The following IL5 variants were observed in gnomAD, a reference collection of about 807,000 sequenced individuals.
The protein encoded by IL5 is interleukin-5.
IL5 carries 12 observed loss-of-function variants against 16.3 expected under a neutral mutation model. That is an observed-to-expected ratio of 0.74 (90% CI 0.47 to 1.20). The LOEUF (loss-of-function observed/expected upper bound fraction) is 1.20. Ranked by LOEUF, IL5 falls within the 50% of genes most tolerant of loss-of-function variation. IL5 has a pLI of 0.00. For synonymous variants in IL5, 54 were observed against 56.6 expected (o/e 0.95, Z 0.21); for missense variants, 159 against 153.9 (o/e 1.03, Z -0.17).
At chr5:132,542,369 T>G (rs1217554495) in intron 2 of IL5, among the ~76,000 whole-genome samples, 1 of 152,192 alleles carries the variant, frequency 6.6e-6, no homozygotes. Flanking sequence ...CCAAAGAGTT[T>G]TTTGTTTGTT....
intron 1 of IL5, among the ~76,000 whole-genome samples, chr5:132,554,070 CTT>C: frequency 6.7e-6 from 1 of 148,816 alleles, no homozygotes; most frequent in Non-Finnish European, 1.5e-5. Context: ...ATAAATCTGA[CTT>C]AAAAAATGGT....
chr5:132,547,600 G>T (rs147796301), upstream of IL5, among the ~76,000 whole-genome samples: 1 of 152,272 alleles, frequency 6.6e-6, no homozygotes, highest in East Asian at 1.9e-4. Context: ...ACAACTAAGG[G>T]AATTGGAAAA....
Position 132,548,955 on chromosome 5 carries a change from C to T in IL5, c.43-5829G>A, listed in dbSNP as rs546269468. ...AGCTTTGTTCATATCAATTCACCTACGGTAAAATTGGTTTTGTTATACATC... is the reference window on the plus strand; with the variant it reads ...AGCTTTGTTCATATCAATTCACCTATGGTAAAATTGGTTTTGTTATACATC... On this transcript the variant is annotated intron_variant, in intron 1 of 2. Transcript: ENST00000450655. 7.2e-5 allele frequency among the ~76,000 whole-genome samples: 11 copies of T among 152,258 alleles called. No individual in the cohort carries two copies. In the East Asian group the frequency reaches 1.2e-3, roughly 16 times the overall value.
intron 1 of IL5, among the ~76,000 whole-genome samples, chr5:132,551,362 G>C (rs1002961503): frequency 2.0e-5 from 3 of 152,188 alleles, no homozygotes; most frequent in Admixed American, 2.0e-4. Flanking sequence ...GCAGGTCCTA[G>C]AATAACTTTG....
intron 2 of IL5, 81 bp downstream of exon 2, chr5:132,543,013 A>G (rs1749722553): frequency 9.6e-7 from 1 of 1,038,886 alleles, no homozygotes; most frequent in Admixed American, 1.9e-5. Context: ...AATAGTTCCA[A>G]TGATAACTAA....
chr5:132,555,115 C>T (rs1377353930), intron 1 of IL5, among the ~76,000 whole-genome samples: 1 of 152,168 alleles, frequency 6.6e-6, no homozygotes, highest in Admixed American at 6.5e-5. Context: ...CTAATGCCCC[C>T]ACTGATCTGA....
At chr5:132,542,389 A>G (rs895689548) in intron 2 of IL5, among the ~76,000 whole-genome samples, 3 of 152,176 alleles carry the variant, frequency 2.0e-5, no homozygotes, top group South Asian at 2.1e-4. Flanking sequence ...TTTCTAGGCA[A>G]CAAACCACCA....
intron 1 of IL5, among the ~76,000 whole-genome samples, chr5:132,550,587 G>T (rs1288003506): frequency 6.6e-6 from 1 of 151,632 alleles, no homozygotes; most frequent in African/African-American, 2.4e-5. Context: ...CTCCCAAAGT[G>T]CTGGGATTAC....
intron 1 of IL5, chr5:132,556,623 GT>G: frequency 8.9e-7 from 1 of 1,121,538 alleles, no homozygotes; most frequent in Non-Finnish European, 1.1e-6. Context: ...CTACACGAAC[GT>G]TAGAGAGAGA....
intron 1 of IL5, among the ~76,000 whole-genome samples, chr5:132,555,011 C>A (rs1229797533): frequency 6.6e-6 from 1 of 152,182 alleles, no homozygotes; most frequent in Non-Finnish European, 1.5e-5. Context: ...GCATTAGATT[C>A]TCATAAGGAA....
chr5:132,545,120 G>A (rs1284187652), upstream of IL5, among the ~76,000 whole-genome samples: 1 of 152,088 alleles, frequency 6.6e-6, no homozygotes. Flanking sequence ...TGAGATTTTC[G>A]GGAGTAGGAA....
At chr5:132,550,805 G>A (rs369670902) in intron 1 of IL5, among the ~76,000 whole-genome samples, 49 of 152,294 alleles carry the variant, frequency 3.2e-4, no homozygotes, top group Admixed American at 2.8e-3. Context: ...AAGAAGTGAC[G>A]CAGAAGCAGT....
chr5:132,543,610 T>C (rs1437046792), upstream of IL5: 2 of 776,042 alleles, frequency 2.6e-6, no homozygotes, highest in South Asian at 3.1e-5. Flanking sequence ...TGCCTAATAA[T>C]GGCATATCGT....
At chr5:132,549,309 C>T (rs1749845925) in intron 1 of IL5, among the ~76,000 whole-genome samples, 1 of 152,162 alleles carries the variant, frequency 6.6e-6, no homozygotes, top group Non-Finnish European at 1.5e-5. Context: ...CCGCCTCGGC[C>T]TCCCAAAGTG....
upstream of IL5, among the ~76,000 whole-genome samples, chr5:132,548,163 A>G (rs559692695): frequency 6.6e-6 from 1 of 152,172 alleles, no homozygotes; most frequent in South Asian, 2.1e-4. Context: ...CAGGAGGCTG[A>G]GGCCAGAGGA....
chr5:132,549,073 T>A (rs528655042), intron 1 of IL5, among the ~76,000 whole-genome samples: 1 of 152,308 alleles, frequency 6.6e-6, no homozygotes, highest in African/African-American at 2.4e-5. Context: ...TTCTTTTTTT[T>A]GAGACAGAGT....
chr5:132,553,795 C>T (rs1392681856), intron 1 of IL5, among the ~76,000 whole-genome samples: 1 of 151,318 alleles, frequency 6.6e-6, no homozygotes, highest in Non-Finnish European at 1.5e-5. Context: ...ATTAGCCGGG[C>T]GCGGTGGCGG....
chr5:132,542,108 T>TA lies in IL5; in HGVS notation c.212dup (p.Gly72ArgfsTer28). 1 of 1,612,840 alleles carries TA rather than the reference T, an allele frequency of 6.2e-7. No individual in the cohort carries two copies. Among genetic ancestry groups the TA allele is most frequent in the Non-Finnish European group, 8.5e-7 (1 of 1,179,068 alleles). On this transcript the variant is annotated frameshift_variant, in exon 3 of 4. Transcript: ENST00000231454. LOFTEE classifies it high-confidence loss of function. ...GCACAGTTTGACTCTCCAGTGTGCC[T>TA]ATTCCCTGAAAGATTTCTTCAGTGC...
Position 132,542,136 on chromosome 5 carries a change from A to G in IL5, c.185T>C (p.Leu62Pro). 6.2e-7 allele frequency: 1 copy of G among 1,604,632 alleles called. No individual in the cohort carries two copies. Among genetic ancestry groups the G allele is most frequent in the South Asian group, 1.1e-5 (1 of 88,530 alleles). Residue 62 changes from leucine (L) to proline (P), a missense_variant, in exon 3 of 4, where the codon CTG becomes CCG. By Grantham distance (98) the Leu-to-Pro change is moderately conservative. Coordinates refer to ENST00000231454, the MANE Select transcript of IL5 (RefSeq NM_000879.3). ...IPVPVHKNHQ[L>P]CTEEIFQGIG... ...TCCCTGAAAGATTTCTTCAGTGCACAGTTGGTGCTAAATGAGGAAAATTTT... is the reference window on the plus strand; with the variant it reads ...TCCCTGAAAGATTTCTTCAGTGCACGGTTGGTGCTAAATGAGGAAAATTTT...
Sources: gnomAD v4.1 joint callset for allele counts (sites outside exome capture counted in the v4.1 genomes callset) on GRCh38, gnomAD v4.1.1 for gene constraint, MANE v1.5 for transcripts, NCBI Gene and HGNC (gene_info 2026-07-23, HGNC 2026-07-21) for gene names.